The following PTPRN2 variants were observed in gnomAD, a reference collection of about 807,000 sequenced individuals.
PTPRN2 encodes receptor-type tyrosine-protein phosphatase N2.
Under a neutral mutation model 118.8 loss-of-function variants are expected in PTPRN2, and 74 were observed. The observed-to-expected ratio is 0.62, with a 90% CI of 0.52 to 0.76. The LOEUF is 0.76. PTPRN2 is among the 30% of genes least tolerant of loss of function. The probability of loss-of-function intolerance (pLI) is 0.00; values close to 1 mark genes in which losing one functional copy is unlikely to be tolerated. For synonymous variants in PTPRN2, 641 were observed against 608.0 expected (o/e 1.05, Z -0.80); for missense variants, 1,481 against 1,394.4 (o/e 1.06, Z -0.99).
At chr7:158,541,086 G>A (rs1225829046) in intron 1 of PTPRN2, among the ~76,000 whole-genome samples, 2 of 152,202 alleles carry the variant, frequency 1.3e-5, no homozygotes, top group African/African-American at 4.8e-5. Flanking sequence ...TTGAATCCAG[G>A]TCTATTCTGA....
At chr7:157,847,371 C>A (rs1158484875) in intron 12 of PTPRN2, among the ~76,000 whole-genome samples, 2 of 150,756 alleles carry the variant, frequency 1.3e-5, no homozygotes, top group Admixed American at 1.3e-4. Flanking sequence ...GTTTACAGAG[C>A]CCTCTCTGAC....
chr7:158,111,091 C>CA (rs1816222951), intron 9 of PTPRN2, among the ~76,000 whole-genome samples, 176 bp from the exon 10 acceptor site: 1 of 152,196 alleles, frequency 6.6e-6, no homozygotes, highest in Non-Finnish European at 1.5e-5. Flanking sequence ...AGCAACAAGA[C>CA]AAACAGTGCA....
At position 158,310,026 on chromosome 7, in the gene PTPRN2, C is replaced by T. The variant is rs113612457; in HGVS notation, c.277+6793G>A. Among the ~76,000 whole-genome samples the T allele has an allele frequency of 7.7e-3, 1,167 of 152,276 alleles. 21 individuals are homozygous for T. The highest frequency in any genetic ancestry group is 0.027 in the African/African-American group (1,102 of 41,542). On this transcript the variant is annotated intron_variant, in intron 3 of 22. Transcript: ENST00000389418. ...ACCCATGAACCAGGAAGCCACCCAC[C>T]ACCAGACACCAAATATGGGGGAGCC... is the stretch of plus-strand genomic sequence containing the variant.
intron 11 of PTPRN2, among the ~76,000 whole-genome samples, chr7:158,078,083 G>A (rs73171573): frequency 0.19 from 28,881 of 152,196 alleles, 3,115 homozygotes; most frequent in Non-Finnish European, 0.23. Context: ...AAGAGGAGAC[G>A]CTGAGTAATG....
intron 13 of PTPRN2, among the ~76,000 whole-genome samples, chr7:157,681,572 G>A (rs1796917579): frequency 1.3e-5 from 2 of 152,182 alleles, no homozygotes. Flanking sequence ...TTTGAAATGG[G>A]AGGAAAAGCT....
At chr7:158,106,353 C>A (rs1361768788) in intron 10 of PTPRN2, among the ~76,000 whole-genome samples, 1 of 152,118 alleles carries the variant, frequency 6.6e-6, no homozygotes, top group African/African-American at 2.4e-5. Context: ...ATCTCCCTCT[C>A]TCTTGAGTTC....
At chr7:157,863,638 C>G (rs537531254) in intron 12 of PTPRN2, 1 of 152,264 alleles carries the variant, frequency 6.6e-6, no homozygotes, top group African/African-American at 2.4e-5. Flanking sequence ...AATGCGCCCC[C>G]AAGTTCATGT....
intron 10 of PTPRN2, among the ~76,000 whole-genome samples, chr7:158,082,825 C>T (rs2128932736): frequency 6.6e-6 from 1 of 152,332 alleles, no homozygotes; most frequent in South Asian, 2.1e-4. Flanking sequence ...TCCAGCTCTA[C>T]TGCATGCAAA....
chr7:158,401,874 G>C (rs748688346), intron 2 of PTPRN2, among the ~76,000 whole-genome samples: 14 of 152,138 alleles, frequency 9.2e-5, no homozygotes, highest in Non-Finnish European at 1.5e-5. Context: ...GAGCAGGGGT[G>C]CCTGAATCCA....
At chr7:158,031,478 ACT>A (rs1807681928) in intron 11 of PTPRN2, among the ~76,000 whole-genome samples, 2 of 152,226 alleles carry the variant, frequency 1.3e-5, no homozygotes, top group East Asian at 3.9e-4. Flanking sequence ...AAATTCCGTC[ACT>A]CTGTGAGAAT....
intron 13 of PTPRN2, among the ~76,000 whole-genome samples, chr7:157,662,354 A>G (rs1251259315): frequency 6.6e-6 from 1 of 152,214 alleles, no homozygotes; most frequent in Non-Finnish European, 1.5e-5. Flanking sequence ...CCGAGTCAGC[A>G]CTGCACAGGG....
intron 2 of PTPRN2, among the ~76,000 whole-genome samples, chr7:158,318,786 G>A (rs1802565074): frequency 6.6e-6 from 1 of 152,244 alleles, no homozygotes. Flanking sequence ...TCAGGGCATG[G>A]CAGAGCCTGG....
chr7:158,239,077 C>T (rs1795746619), intron 3 of PTPRN2, among the ~76,000 whole-genome samples: 1 of 152,182 alleles, frequency 6.6e-6, no homozygotes, highest in Admixed American at 6.5e-5. Context: ...TTTGCTCGGT[C>T]AAGGTGCCAC....
At chr7:157,667,001 T>G (rs878893365) in intron 13 of PTPRN2, among the ~76,000 whole-genome samples, 223 of 53,838 alleles carry the variant, frequency 4.1e-3, no homozygotes, top group African/African-American at 5.5e-3. Flanking sequence ...ATCTCTGGTG[T>G]GTGCAATGAG....
intron 12 of PTPRN2, among the ~76,000 whole-genome samples, chr7:157,772,535 C>G (rs994663770): frequency 1.3e-5 from 2 of 152,208 alleles, no homozygotes; most frequent in Non-Finnish European, 2.9e-5. Context: ...GGCCCCTGAT[C>G]CAGGTGCAGC....
chr7:158,071,550 C>CTGGTGGAGATGCTCG (rs1811676902), intron 11 of PTPRN2, among the ~76,000 whole-genome samples: 1 of 33,104 alleles, frequency 3.0e-5, no homozygotes, highest in East Asian at 1.1e-3. Context: ...GGAGGTGCTC[C>CTGGTGGAGATGCTCG]TGGTGGTGGA....
intron 6 of PTPRN2, among the ~76,000 whole-genome samples, chr7:158,145,248 C>T (rs1187716098): frequency 2.0e-5 from 3 of 149,518 alleles, no homozygotes; most frequent in Non-Finnish European, 4.4e-5. Context: ...AATACCACGG[C>T]TTGGCAAGAC....
intron 1 of PTPRN2, 23 bp from the exon 2 acceptor site, chr7:158,489,808 C>G (rs747306692): frequency 6.4e-7 from 1 of 1,561,072 alleles, no homozygotes; most frequent in Non-Finnish European, 8.7e-7. Context: ...AGAGAAGAGA[C>G]GCGGTCAGCT....
rs111854174 is a variant in PTPRN2, at chr7:158,411,859, C to T, written c.163+77876G>A. On this transcript the variant is annotated intron_variant, in intron 2 of 22. Transcript: ENST00000389418. Reference sequence around the variant, plus strand: ...GGCTCAGGGGACAATAGGCCCATCTCGTTAGGCTGCCGTGAGGGTGAAATG... The same window carrying T: ...GGCTCAGGGGACAATAGGCCCATCTTGTTAGGCTGCCGTGAGGGTGAAATG... Among the ~76,000 whole-genome samples, 695 of 152,246 alleles carry T rather than the reference C, an allele frequency of 4.6e-3. 4 individuals carry two copies. Among genetic ancestry groups the T allele is most frequent in the African/African-American group, 0.016 (665 of 41,520 alleles).
Sources: gnomAD v4.1 joint callset for allele counts (sites outside exome capture counted in the v4.1 genomes callset) on GRCh38, gnomAD v4.1.1 for gene constraint, MANE v1.5 for transcripts, NCBI Gene and HGNC (gene_info 2026-07-23, HGNC 2026-07-21) for gene names.